The following ROBO2 variants were observed in gnomAD, a reference collection of about 807,000 sequenced individuals.
The protein encoded by ROBO2 is roundabout guidance receptor 2, also known as roundabout homolog 2.
ROBO2 carries 53 observed loss-of-function variants against 160.8 expected under a neutral mutation model. The observed-to-expected ratio is 0.33, with a 90% CI of 0.26 to 0.41. The LOEUF (loss-of-function observed/expected upper bound fraction) is 0.41, where lower values mean the gene tolerates loss of function less well. Among genes scored for constraint, ROBO2 ranks in the 10% least tolerant of loss-of-function variants. ROBO2 has a pLI of 1.00. For synonymous variants in ROBO2, 664 were observed against 611.7 expected, an observed-to-expected ratio of 1.09 and a Z score of -1.26; for missense variants, 1,577 against 1,722.4, an observed-to-expected ratio of 0.92 and a Z score of 1.49.
At chr3:77,175,038 T>C (rs1174011788) in intron 2 of ROBO2, among the ~76,000 whole-genome samples, 2 of 152,082 alleles carry the variant, frequency 1.3e-5, no homozygotes, top group Non-Finnish European at 2.9e-5. Flanking sequence ...GCACATAATC[T>C]TCCTAACAGT....
In ROBO2 at chr3:77,148,531, T is replaced by C. The variant is rs535989369; in HGVS notation, c.388+50191T>C. ...TAAAACAATGTATAAAAAGAACTAT[T>C]GTGTATTCAGTTCTCATGTTCCCAT... On this transcript the variant is annotated intron_variant, in intron 2 of 25. Transcript: ENST00000461745. Among the ~76,000 whole-genome samples the C allele has an allele frequency of 5.9e-5, 9 of 152,346 alleles. 1 individual carries two copies. In the East Asian group the frequency reaches 1.3e-3, roughly 23 times the overall value.
intron 2 of ROBO2, among the ~76,000 whole-genome samples, chr3:76,817,955 A>G (rs1265366084): frequency 1.3e-5 from 2 of 151,098 alleles, no homozygotes; most frequent in Admixed American, 1.3e-4. Context: ...TTATGCTACT[A>G]TAAACGTGTG....
chr3:77,379,694 C>T (rs2073178876), intron 2 of ROBO2, among the ~76,000 whole-genome samples: 3 of 152,152 alleles, frequency 2.0e-5, no homozygotes. Context: ...AACTCTGGTA[C>T]TCTGAAATAT....
At chr3:77,625,417 C>A (rs761514741) in intron 23 of ROBO2, among the ~76,000 whole-genome samples, 1 of 151,440 alleles carries the variant, frequency 6.6e-6, no homozygotes, top group Admixed American at 6.6e-5. Flanking sequence ...CTCACTCTAT[C>A]GCCAGGCTGG....
chr3:77,586,091 G>A (rs775740), intron 16 of ROBO2, among the ~76,000 whole-genome samples: 90,103 of 151,928 alleles, frequency 0.59, 26,814 homozygotes, highest in Middle Eastern at 0.71. Context: ...AATGTAACAC[G>A]CTGCCTTACA....
intron 2 of ROBO2, among the ~76,000 whole-genome samples, chr3:76,530,292 T>C (rs1181437196): frequency 6.6e-6 from 1 of 152,202 alleles, no homozygotes; most frequent in Non-Finnish European, 1.5e-5. Flanking sequence ...CACATGATTT[T>C]GGATTCTCCT....
At chr3:77,563,399 C>A in intron 11 of ROBO2, 70 bp downstream of exon 12, 2 of 1,415,408 alleles carry the variant, frequency 1.4e-6, no homozygotes, top group Non-Finnish European at 2.0e-6. Context: ...GTCACCTGAA[C>A]TATCCTGCTG....
intron 2 of ROBO2, among the ~76,000 whole-genome samples, chr3:76,834,094 C>CT (rs1207763281): frequency 8.3e-6 from 1 of 119,860 alleles, no homozygotes; most frequent in South Asian, 2.7e-4. Flanking sequence ...TTCTTTCTTT[C>CT]TTTCTTTCTT....
intron 1 of ROBO2, among the ~76,000 whole-genome samples, chr3:77,072,420 A>C (rs2149846462): frequency 6.6e-6 from 1 of 152,150 alleles, no homozygotes; most frequent in Non-Finnish European, 1.5e-5. Context: ...CACCTGAAAA[A>C]CCAGTTTCAG....
chr3:77,454,681 A>C (rs577514582), intron 2 of ROBO2, among the ~76,000 whole-genome samples: 15 of 152,284 alleles, frequency 9.9e-5, no homozygotes, highest in Admixed American at 9.2e-4. Flanking sequence ...TTTCACATCT[A>C]GTTCATAAGA....
chr3:76,235,361 G>A (rs1041714947), intron 2 of ROBO2, among the ~76,000 whole-genome samples: 1 of 152,098 alleles, frequency 6.6e-6, no homozygotes, highest in African/African-American at 2.4e-5. Flanking sequence ...AAGCCAAGAG[G>A]TGCCCAGCAT....
chr3:76,620,857 G>T (rs1481363361), intron 2 of ROBO2, among the ~76,000 whole-genome samples: 1 of 152,118 alleles, frequency 6.6e-6, no homozygotes, highest in African/African-American at 2.4e-5. Context: ...CTAACTATTG[G>T]AGTAGTATGC....
At chr3:76,991,955 A>C (rs762313277) in intron 2 of ROBO2, among the ~76,000 whole-genome samples, 6 of 152,168 alleles carry the variant, frequency 3.9e-5, no homozygotes, top group Non-Finnish European at 2.9e-5. Context: ...CATATGGGAC[A>C]CTGTAGAAAT....
At chr3:77,551,036 T>A in intron 8 of ROBO2, 47 bp downstream of exon 9, 1 of 1,589,702 alleles carries the variant, frequency 6.3e-7, no homozygotes, top group East Asian at 2.2e-5. Context: ...TTGATTTTTA[T>A]TTCTAGATAC....
At chr3:77,145,711 G>A (rs946718461) in intron 2 of ROBO2, among the ~76,000 whole-genome samples, 40 of 152,062 alleles carry the variant, frequency 2.6e-4, no homozygotes, top group African/African-American at 9.7e-4. Flanking sequence ...AATAAGTGTG[G>A]CATAAACACA....
intron 2 of ROBO2, among the ~76,000 whole-genome samples, chr3:76,885,119 A>G (rs904333530): frequency 1.3e-5 from 2 of 152,150 alleles, no homozygotes; most frequent in Admixed American, 6.5e-5. Context: ...AAAAAAACTG[A>G]CTAGCCAATA....
chr3:76,780,553 T>C (rs2108601396), intron 2 of ROBO2, among the ~76,000 whole-genome samples: 1 of 150,958 alleles, frequency 6.6e-6, no homozygotes, highest in Non-Finnish European at 1.5e-5. Flanking sequence ...CTCTAAGAAT[T>C]TTATAGTTTC....
chr3:76,821,926 T>G (rs1013721917), intron 2 of ROBO2, among the ~76,000 whole-genome samples: 4 of 152,028 alleles, frequency 2.6e-5, no homozygotes, highest in African/African-American at 9.7e-5. Context: ...CCCTCTCATA[T>G]GCCATTGCAA....
intron 22 of ROBO2, among the ~76,000 whole-genome samples, chr3:77,621,024 G>A (rs960079498): frequency 6.6e-5 from 10 of 152,206 alleles, no homozygotes; most frequent in South Asian, 4.2e-4. Flanking sequence ...AAGAAAATCT[G>A]AGTAGACTCA....
Sources: gnomAD v4.1 joint callset for allele counts (sites outside exome capture counted in the v4.1 genomes callset) on GRCh38, gnomAD v4.1.1 for gene constraint, MANE v1.5 for transcripts, NCBI Gene and HGNC (gene_info 2026-07-23, HGNC 2026-07-21) for gene names.